FNDC1: variants seen among roughly 807,000 people sequenced by gnomAD.
FNDC1 encodes fibronectin type III domain-containing protein 1.
A neutral mutation model predicts 168.0 loss-of-function variants in FNDC1; 96 were observed. The observed-to-expected ratio is 0.57, with a 90% CI of 0.48 to 0.68. The LOEUF is 0.68. Ranked by LOEUF, FNDC1 falls within the 30% of genes least tolerant of loss-of-function variation. The probability of loss-of-function intolerance (pLI) is 0.00; values close to 1 mark genes in which losing one functional copy is unlikely to be tolerated. For missense variants in FNDC1, 2,587 were observed against 2,482.1 expected, an observed-to-expected ratio of 1.04 and a Z score of -0.90; for synonymous variants, 1,099 against 1,025.9, an observed-to-expected ratio of 1.07 and a Z score of -1.36.
chr6:159,232,262 G>C lies in FNDC1; in HGVS notation c.1750G>C (p.Val584Leu), dbSNP rs1414984122. ...HSVVAPGRTAVRARMPALPRR... is the reference protein window; with the variant it reads ...HSVVAPGRTALRARMPALPRR... ...GGTGGTTGCTCCCGGCAGGACTGCA[G>C]TGAGGGCCCGGATGCCAGCGCTGCC... Residue 584 changes from valine (V) to leucine (L), a missense_variant, in exon 11 of 23, where the codon GTG (valine) becomes CTG (leucine). Physicochemically the swap from Val to Leu is conservative, Grantham distance 32. Transcript: ENST00000297267. This position sits in a 1 kb window ranked among gnomAD's most constrained non-coding sequence, Gnocchi z 4.9. The C allele has an allele frequency of 5.0e-6, 8 of 1,610,994 alleles. No individual in the cohort carries two copies. Among genetic ancestry groups the C allele is most frequent in the African/African-American group, 1.3e-5 (1 of 74,844 alleles).
At chr6:159,249,011 C>G (rs748748092) in intron 15 of FNDC1, 28 bp from the exon 16 acceptor site, 1 of 1,576,544 alleles carries the variant, frequency 6.3e-7, no homozygotes, top group East Asian at 2.3e-5. Flanking sequence ...TGGCAGTGCC[C>G]AATTACAGAG....
chr6:159,213,621 C>A (rs929296647), intron 4 of FNDC1, among the ~76,000 whole-genome samples: 14 of 151,974 alleles, frequency 9.2e-5, no homozygotes, highest in African/African-American at 1.5e-4. Flanking sequence ...GATTTATGTT[C>A]CAGCTGACTC....
At position 159,233,432 on chromosome 6, in the gene FNDC1, C is replaced by T. The variant is rs1371359713; in HGVS notation, c.2920C>T (p.Arg974Cys). 4.3e-6 allele frequency: 7 copies of T among 1,610,596 alleles called. No individual in the cohort carries two copies. Among genetic ancestry groups the T allele is most frequent in the Non-Finnish European group, 5.9e-6 (7 of 1,179,208 alleles). ...SPKAQPGSTD[R>C]HASPARPPAA... Reference sequence around the variant, plus strand: ...CAAAGCACAGCCAGGGTCCACAGACCGCCACGCGTCCCCTGCTCGTCCGCC... The same window carrying T: ...CAAAGCACAGCCAGGGTCCACAGACTGCCACGCGTCCCCTGCTCGTCCGCC... Residue 974 changes from arginine (R) to cysteine (C), a missense_variant, in exon 11 of 23, where the codon CGC becomes TGC. Physicochemically the swap from Arg to Cys is radical, Grantham distance 180. Coordinates refer to ENST00000297267, the MANE Select transcript of FNDC1 (RefSeq NM_032532.3). This position sits in a 1 kb window ranked among gnomAD's most constrained non-coding sequence, Gnocchi z 4.6.
intron 4 of FNDC1, among the ~76,000 whole-genome samples, chr6:159,204,126 C>T (rs1782435748): frequency 6.6e-6 from 1 of 152,148 alleles, no homozygotes; most frequent in Non-Finnish European, 1.5e-5. Context: ...AGCTTGGACT[C>T]AAGTTCAGCA....
At chr6:159,257,534 G>A (rs193302362) in intron 18 of FNDC1, among the ~76,000 whole-genome samples, 1 of 152,248 alleles carries the variant, frequency 6.6e-6, no homozygotes, top group East Asian at 1.9e-4. Flanking sequence ...AGTGAGGTGA[G>A]GGTGCACCCA....
intron 21 of FNDC1, 56 bp downstream of exon 21, chr6:159,266,301 G>C (rs1777592162): frequency 1.5e-5 from 24 of 1,584,126 alleles, no homozygotes; most frequent in Non-Finnish European, 2.1e-5. Flanking sequence ...GATTTATCAA[G>C]TACAAACTTG....
At position 159,266,250 on chromosome 6, in the gene FNDC1, G is replaced by A. The variant is rs1777591123; in HGVS notation, c.5446+5G>A. The A allele has an allele frequency of 1.2e-6, 2 of 1,613,892 alleles. No individual in the cohort carries two copies. Among genetic ancestry groups the A allele is most frequent in the Non-Finnish European group, 8.5e-7 (1 of 1,179,774 alleles). ...ACCTCAGTGACAACCTGAAAGGTAA[G>A]TCTTTGTGCATGGTTGGCTATGGGA... On this transcript the variant is annotated splice_donor_5th_base_variant and intron_variant, in intron 21 of 22. Coordinates refer to ENST00000297267, the MANE Select transcript of FNDC1 (RefSeq NM_032532.3).
chr6:159,232,890 A>T lies in FNDC1; in HGVS notation c.2378A>T (p.Asp793Val). ...ASDGESHGDG[D>V]REDGGRQAEA... ...GATGGTGAAAGCCACGGTGACGGCG[A>T]TAGGGAAGACGGCGGAAGGCAGGCG... is the stretch of plus-strand genomic sequence containing the variant. The change falls in exon 11 of 23, where the codon GAT becomes GTT. Residue 793 changes from aspartate to valine, a missense_variant. Coordinates refer to ENST00000297267, the MANE Select transcript of FNDC1 (RefSeq NM_032532.3). This position sits in a 1 kb window ranked among gnomAD's most constrained non-coding sequence, Gnocchi z 4.9. 2 of 1,613,124 alleles carry T rather than the reference A, an allele frequency of 1.2e-6. No homozygotes were observed. Among genetic ancestry groups the T allele is most frequent in the Non-Finnish European group, 1.7e-6 (2 of 1,179,832 alleles).
intron 2 of FNDC1, among the ~76,000 whole-genome samples, chr6:159,198,784 A>C (rs1410897263): frequency 6.6e-6 from 1 of 152,260 alleles, no homozygotes; most frequent in Non-Finnish European, 1.5e-5. Context: ...TGTGGATTAA[A>C]TTTCTTTGAA....
rs1016931675 is a variant in FNDC1, at chr6:159,271,389, T to A, written c.5632T>A (p.Tyr1878Asn). The A allele has an allele frequency of 6.2e-7, 1 of 1,612,642 alleles. No homozygotes were observed. The highest frequency in any genetic ancestry group is 1.3e-5 in the African/African-American group (1 of 74,908). ...TGGGAACATCGGCTTCGGAACCCCCTACTACTATGTGGGCTGGTACGAGTG... is the reference window on the plus strand; with the variant it reads ...TGGGAACATCGGCTTCGGAACCCCCAACTACTATGTGGGCTGGTACGAGTG... The part of the protein sequence containing the change: ...RFGNIGFGTP[Y>N]YYVGWYECGV... Residue 1878 changes from tyrosine (Y) to asparagine (N), a missense_variant, in exon 23 of 23, where the codon TAC (tyrosine) becomes AAC (asparagine). Physicochemically the swap from Tyr to Asn is moderately radical, Grantham distance 143 (BLOSUM62 -2). Transcript: ENST00000297267.
intron 17 of FNDC1, 137 bp downstream of exon 17, chr6:159,251,669 A>G (rs1777268760): frequency 1.4e-6 from 1 of 728,902 alleles, no homozygotes; most frequent in Admixed American, 2.2e-5. Context: ...GGGATGATGG[A>G]TAGATGTCTT....
Position 159,234,053 on chromosome 6 carries a change from G to C in FNDC1, c.3541G>C (p.Glu1181Gln). 1 of 1,612,082 alleles carries C rather than the reference G, an allele frequency of 6.2e-7. No homozygotes were observed. ...GCAGTCGGTCTCAGCCGAGGACGAC[G>C]AGGAGGAGGACGCGGGATTTTTTAA... ...SQQSVSAEDD[E>Q]EEDAGFFKGG... Residue 1181 changes from glutamate (E) to glutamine (Q), a missense_variant, in exon 11 of 23, where the codon GAG (glutamate) becomes CAG (glutamine). Physicochemically the swap from Glu to Gln is conservative, Grantham distance 29 (BLOSUM62 2). Coordinates refer to ENST00000297267, the MANE Select transcript of FNDC1 (RefSeq NM_032532.3).
chr6:159,179,333 C>A (rs1583849974), intron 1 of FNDC1, among the ~76,000 whole-genome samples: 1 of 152,230 alleles, frequency 6.6e-6, no homozygotes, highest in East Asian at 1.9e-4. Flanking sequence ...GTGGCAGACG[C>A]CTGTAGTCCC....
Position 159,269,301 on chromosome 6 carries a change from C to CTATCTATTTATCTAACT in FNDC1, c.5569+1375_5569+1376insTATCTATTTATCTAACT, listed in dbSNP as rs1562315864. The stretch of plus-strand genomic sequence containing the variant: ...CTATCTATCTATCTATCCATCCATC[C>CTATCTATTTATCTAACT]ATCTATCCTATCTATTTATCTAACT... On this transcript the variant is annotated intron_variant, in intron 22 of 22. Transcript: ENST00000297267. Among the ~76,000 whole-genome samples, 132 of 82,150 alleles carry CTATCTATTTATCTAACT rather than the reference C, an allele frequency of 1.6e-3. 4 individuals carry two copies. Among genetic ancestry groups the CTATCTATTTATCTAACT allele is most frequent in the Middle Eastern group, 7.7e-3 (1 of 130 alleles). The allele number at this position is 82,150 out of a possible 152,430, so 53.9% of individuals were successfully genotyped here. A position where few individuals can be genotyped will look rare whatever the true frequency, so the allele number is the denominator to read the frequency against.
At chr6:159,203,579 C>T (rs974292888) in intron 4 of FNDC1, among the ~76,000 whole-genome samples, 3 of 152,180 alleles carry the variant, frequency 2.0e-5, no homozygotes, top group African/African-American at 4.8e-5. Flanking sequence ...CTCACTTCTC[C>T]GAGCCGGAAA....
intron 14 of FNDC1, chr6:159,241,104 G>T (rs537693): frequency 6.6e-6 from 1 of 152,016 alleles, no homozygotes; most frequent in Non-Finnish European, 1.5e-5. Flanking sequence ...ATGGAAACAC[G>T]TACAGAGGGA....
intron 14 of FNDC1, among the ~76,000 whole-genome samples, chr6:159,243,883 A>C (rs777926653): frequency 9.2e-5 from 14 of 152,336 alleles, no homozygotes; most frequent in South Asian, 6.2e-4. Flanking sequence ...ACTTAATGCC[A>C]GAGGACTTAA....
intron 1 of FNDC1, among the ~76,000 whole-genome samples, chr6:159,172,138 G>T (rs1039828771): frequency 6.6e-6 from 1 of 152,146 alleles, no homozygotes. Context: ...GTATCTTTGA[G>T]TGTATGTCTT....
intron 1 of FNDC1, among the ~76,000 whole-genome samples, chr6:159,192,675 G>A (rs980968126): frequency 6.6e-6 from 1 of 152,184 alleles, no homozygotes; most frequent in African/African-American, 2.4e-5. Flanking sequence ...TAGACAGTAA[G>A]GGAATATTGG....
Sources: gnomAD v4.1 joint callset for allele counts (sites outside exome capture counted in the v4.1 genomes callset) on GRCh38, gnomAD v4.1.1 for gene constraint, Gnocchi (gnomAD v3.1) non-coding constraint, MANE v1.5 for transcripts, NCBI Gene and HGNC (gene_info 2026-07-23, HGNC 2026-07-21) for gene names.